Variants in ISCU observed in about 807,000 individuals in gnomAD.
ISCU encodes iron-sulfur cluster assembly enzyme.
In ISCU, 13 loss-of-function variants were observed where a neutral mutation model predicts 18.4. That is an observed-to-expected ratio of 0.71 (90% CI 0.46 to 1.12). The LOEUF (loss-of-function observed/expected upper bound fraction) is 1.12. Ranked by LOEUF, ISCU falls within the 50% of genes most tolerant of loss-of-function variation. The pLI is 0.00. For missense variants in ISCU, 229 were observed against 208.7 expected, an observed-to-expected ratio of 1.10 and a Z score of -0.60; for synonymous variants, 104 against 87.5, an observed-to-expected ratio of 1.19 and a Z score of -1.06.
At position 108,565,328 on chromosome 12, in the gene ISCU, T is replaced by G; in HGVS notation, c.236T>G (p.Val79Gly). Residue 79 changes from valine to glycine, a missense_variant, in exon 3 of 5, where the codon GTG becomes GGG. Transcript: ENST00000311893. ...CTCTTGTCTCTTTTCTAGATTCAAG[T>G]GGATGAAAAGGGGAAGATTGTGGAT... ...CGDVMKLQIQVDEKGKIVDAR... is the reference protein window; with the variant it reads ...CGDVMKLQIQGDEKGKIVDAR... The G allele has an allele frequency of 6.2e-7, 1 of 1,613,120 alleles. No individual in the cohort carries two copies. Among genetic ancestry groups the G allele is most frequent in the East Asian group, 2.2e-5 (1 of 44,882 alleles).
intron 4 of ISCU, chr12:108,567,665 G>A (rs1239792461): frequency 6.5e-7 from 1 of 1,535,870 alleles, no homozygotes; most frequent in East Asian, 2.4e-5. Context: ...CAGAATCTGT[G>A]CTGTTTCCAG....
chr12:108,567,250 G>A lies in ISCU; in HGVS notation c.400G>A (p.Val134Met), dbSNP rs745674081. ...DIAKELCLPP[V>M]KLHCSMLAED... ...CGCCAAGGAGCTCTGCCTTCCTCCC[G>A]TGAAACTGCACTGCTCCAGTAAGTC... Residue 134 changes from valine (V) to methionine (M), a missense_variant, in exon 4 of 5, where the codon GTG (valine) becomes ATG (methionine). By Grantham distance (21) the Val-to-Met change is conservative. Transcript: ENST00000311893. 4.3e-6 allele frequency: 7 copies of A among 1,613,724 alleles called. No homozygotes were observed. The highest frequency in any genetic ancestry group is 3.3e-5 in the Admixed American group (2 of 60,004).
At chr12:108,564,736 A>G (rs970066733) in intron 2 of ISCU, among the ~76,000 whole-genome samples, 46 of 152,240 alleles carry the variant, frequency 3.0e-4, no homozygotes, top group Admixed American at 2.1e-3. Flanking sequence ...GCAGTCCCCA[A>G]TGAAACAAGA....
chr12:108,562,665 G>A lies in ISCU; in HGVS notation c.43G>A (p.Ala15Thr), dbSNP rs752455827. 35 of 1,455,536 alleles carry A rather than the reference G, an allele frequency of 2.4e-5. No homozygotes were observed. The African/African-American group carries it at 4.6e-4, about 19-fold the overall frequency. 90.2% of individuals were successfully genotyped at this position (1,455,536 alleles called of 1,614,324 possible). Residue 15 changes from alanine (A) to threonine (T), a missense_variant, in exon 1 of 5, where the codon GCT (alanine) becomes ACT (threonine). Ala to Thr is a moderately conservative substitution (Grantham distance 58). Transcript: ENST00000311893. Reference protein sequence around the residue: ...GAFRLRRAASALLLRSPRLPA... With the variant: ...GAFRLRRAASTLLLRSPRLPA... ...TTTCCGTCTGAGGCGGGCGGCATCG[G>A]CTCTGCTGCTGCGGAGCCCCCGCCT...
chr12:108,564,019 T>C, intron 1 of ISCU: 1 of 1,325,600 alleles, frequency 7.5e-7, no homozygotes, highest in Non-Finnish European at 1.1e-6. Flanking sequence ...AAAAATCCTA[T>C]GGAACTAAGA....
chr12:108,567,511 C>A, intron 4 of ISCU: 1 of 766,894 alleles, frequency 1.3e-6, no homozygotes, highest in Non-Finnish European at 2.2e-6. Context: ...GGCGTAATTT[C>A]TAAACCTCAC....
chr12:108,562,594 C>G (rs1455617031), upstream of ISCU: 5 of 1,332,270 alleles, frequency 3.8e-6, no homozygotes, highest in East Asian at 6.0e-5. Flanking sequence ...CGGCGTCGCT[C>G]TGGACTGGCG....
At chr12:108,567,964 G>A (rs769968826) in intron 4 of ISCU, 1 of 1,483,880 alleles carries the variant, frequency 6.7e-7, no homozygotes, top group East Asian at 2.5e-5. Flanking sequence ...ATCGATGGAG[G>A]TTTACTAACC....
rs1396267626 is a variant in ISCU, at chr12:108,565,305, CTT to C, written c.229-15_229-14del. On this transcript the variant is annotated splice_polypyrimidine_tract_variant and intron_variant, in intron 2 of 4. Coordinates refer to ENST00000311893, the MANE Select transcript of ISCU (RefSeq NM_213595.4). Reference sequence around the variant, plus strand: ...TGGTCCCAGGACTCACCACTTAACTCTTGTCTCTTTTCTAGATTCAAGTGGAT... The same window carrying C: ...TGGTCCCAGGACTCACCACTTAACTCGTCTCTTTTCTAGATTCAAGTGGAT... 1.9e-6 allele frequency: 3 copies of C among 1,600,106 alleles called. No individual in the cohort carries two copies. Among genetic ancestry groups the C allele is most frequent in the Admixed American group, 3.3e-5 (2 of 60,000 alleles).
chr12:108,569,207 G>C lies in ISCU; in HGVS notation c.*291G>C, dbSNP rs1277770236. The C allele has an allele frequency of 2.3e-6, 1 of 434,088 alleles. No homozygotes were observed. The highest frequency in any genetic ancestry group is 3.7e-5 in the Admixed American group (1 of 27,042). The allele number at this position is 434,088 out of a possible 1,614,324, so 26.9% of individuals were successfully genotyped here. On this transcript the variant is annotated 3_prime_UTR_variant, in exon 5 of 5. Coordinates refer to ENST00000311893, the MANE Select transcript of ISCU (RefSeq NM_213595.4). The stretch of plus-strand genomic sequence containing the variant: ...GATAATGAAGTTGCAAGTTTTGATA[G>C]CCCGTGAAGTGCATAAGTATCTAAT...
chr12:108,565,395 C>T lies in ISCU; in HGVS notation c.303C>T (p.Ser101=). 1 of 1,613,936 alleles carries T rather than the reference C, an allele frequency of 6.2e-7. No homozygotes were observed. Among genetic ancestry groups the T allele is most frequent in the Non-Finnish European group, 8.5e-7 (1 of 1,179,774 alleles). Residue 101 remains serine, a synonymous_variant, in exon 3 of 5, where the codon TCC becomes TCT. Transcript: ENST00000311893. Reference sequence around the variant, plus strand: ...TTGGCTGTGGTTCCGCAATTGCCTCCAGCTCATTAGCCACTGAATGGGTGA... The same window carrying T: ...TTGGCTGTGGTTCCGCAATTGCCTCTAGCTCATTAGCCACTGAATGGGTGA... The part of the protein sequence containing the change: ...KTFGCGSAIA[S]SSLATEWVKG...
At chr12:108,566,694 G>A (rs904553537) in intron 3 of ISCU, among the ~76,000 whole-genome samples, 1 of 152,230 alleles carries the variant, frequency 6.6e-6, no homozygotes, top group African/African-American at 2.4e-5. Flanking sequence ...GGACACCAAA[G>A]AGAGCATTCG....
At position 108,564,292 on chromosome 12, in the gene ISCU, A is replaced by G; in HGVS notation, c.128A>G (p.Tyr43Cys). 6.2e-7 allele frequency: 1 copy of G among 1,613,730 alleles called. No homozygotes were observed. The highest frequency in any genetic ancestry group is 8.5e-7 in the Non-Finnish European group (1 of 1,179,600). ...CTCTCATTTTAGGTTGTTGATCATTATGAAAATCCTAGAAACGTGGGGTCC... is the reference window on the plus strand; with the variant it reads ...CTCTCATTTTAGGTTGTTGATCATTGTGAAAATCCTAGAAACGTGGGGTCC... ...RLYHKKVVDH[Y>C]ENPRNVGSLD... The change falls in exon 2 of 5, where the codon TAT (tyrosine) becomes TGT (cysteine). Residue 43 changes from tyrosine to cysteine, a missense_variant. By Grantham distance (194) the Tyr-to-Cys change is radical (BLOSUM62 -2). Transcript: ENST00000311893.
At chr12:108,564,204 G>T (rs760282325) in intron 1 of ISCU, 75 bp from the exon 2 acceptor site, 1 of 1,560,330 alleles carries the variant, frequency 6.4e-7, no homozygotes, top group Non-Finnish European at 8.8e-7. Context: ...GATGCTGACC[G>T]AGGAGCTTAC....
intron 4 of ISCU, 198 bp from the exon 5 acceptor site, chr12:108,568,633 C>T (rs762872322): frequency 7.0e-7 from 1 of 1,438,300 alleles, no homozygotes; most frequent in Non-Finnish European, 9.1e-7. Context: ...TAGTCTGTCT[C>T]CAGGATCACC....
At position 108,564,043 on chromosome 12, in the gene ISCU, A is replaced by AT. The variant is rs533406961; in HGVS notation, c.115-227dup. On this transcript the variant is annotated intron_variant, in intron 1 of 4. Transcript: ENST00000311893. ...ATGGAACTAAGACATGATTTCACTG[A>AT]TTTTTTTTTCTTCTAGGTATCTCAA... 8.2e-4 allele frequency: 1,234 copies of AT among 1,503,382 alleles called. 4 individuals carry two copies. The highest frequency in any genetic ancestry group is 3.2e-3 in the South Asian group (280 of 88,832). 93.1% of individuals were successfully genotyped at this position (1,503,382 alleles called of 1,614,324 possible).
At chr12:108,562,817 C>A in intron 1 of ISCU, 81 bp downstream of exon 1, 1 of 792,050 alleles carries the variant, frequency 1.3e-6, no homozygotes, top group Non-Finnish European at 1.8e-6. Context: ...TTCTGCGCAG[C>A]TAGGACTGGG....
At chr12:108,568,186 T>C in intron 4 of ISCU, 1 of 1,282,814 alleles carries the variant, frequency 7.8e-7, no homozygotes, top group Non-Finnish European at 9.8e-7. Flanking sequence ...TCCCCAGCCC[T>C]TTTATTAGGC....
chr12:108,566,495 A>C (rs1328415279), intron 3 of ISCU, among the ~76,000 whole-genome samples: 1 of 152,248 alleles, frequency 6.6e-6, no homozygotes, highest in African/African-American at 2.4e-5. Context: ...GGTTAGCAGA[A>C]TTGGGAAACT....
Sources: allele counts gnomAD v4.1 joint callset (sites outside exome capture counted in the v4.1 genomes callset), GRCh38; gene constraint gnomAD v4.1.1; transcripts MANE v1.5; gene names NCBI Gene and HGNC (gene_info 2026-07-23, HGNC 2026-07-21).